BLNK: variants seen among roughly 807,000 people sequenced by gnomAD.
The protein encoded by BLNK is B cell linker.
Under a neutral mutation model 73.5 loss-of-function variants are expected in BLNK, and 29 were observed. The ratio of observed to expected loss-of-function variants is 0.39; its 90% CI spans 0.29 to 0.54. The LOEUF is 0.54. Ranked by LOEUF, BLNK falls within the 20% of genes least tolerant of loss-of-function variation. The probability of loss-of-function intolerance (pLI) is 0.61; values close to 1 mark genes in which losing one functional copy is unlikely to be tolerated. For synonymous variants in BLNK, 176 were observed against 200.8 expected, an observed-to-expected ratio of 0.88 and a Z score of 1.04; for missense variants, 460 against 562.8, an observed-to-expected ratio of 0.82 and a Z score of 1.85.
At chr10:96,210,870 T>C (rs78769352) in intron 8 of BLNK, among the ~76,000 whole-genome samples, 1 of 145,678 alleles carries the variant, frequency 6.9e-6, no homozygotes, top group Non-Finnish European at 1.5e-5. Context: ...TCCGTTTTTT[T>C]TTTTTTTTTT....
chr10:96,249,289 A>G (rs1382247854), intron 1 of BLNK, among the ~76,000 whole-genome samples: 1 of 152,248 alleles, frequency 6.6e-6, no homozygotes, highest in African/African-American at 2.4e-5. Flanking sequence ...TCTGGGAGAA[A>G]TACTCCTTGG....
rs2083293776 is a variant in BLNK, at chr10:96,189,292, G to A, written c.*2681C>T. ...CTCACTCTGCATTATAGAAAGGACAGCCAGATATTGACTGTTAGAGAAATG... is the reference window on the plus strand; with the variant it reads ...CTCACTCTGCATTATAGAAAGGACAACCAGATATTGACTGTTAGAGAAATG... On this transcript the variant is annotated 3_prime_UTR_variant, in exon 17 of 17. Coordinates refer to ENST00000224337, the MANE Select transcript of BLNK (RefSeq NM_013314.4). 2 of 448,546 alleles carry A rather than the reference G, an allele frequency of 4.5e-6. No individual in the cohort carries two copies. Among genetic ancestry groups the A allele is most frequent in the Middle Eastern group, 7.2e-4 (1 of 1,396 alleles). The allele number at this position is 448,546 out of a possible 1,614,324, so 27.8% of individuals were successfully genotyped here.
rs34920263 is a variant in BLNK, at chr10:96,191,235, C to CT, written c.*737dup. Reference sequence around the variant, plus strand: ...GTGGAACTGTGAGTCCATTAAACCTCTTTTTTTTTTTTTTTTTTTATGTAA... The same window carrying CT: ...GTGGAACTGTGAGTCCATTAAACCTCTTTTTTTTTTTTTTTTTTTTATGTAA... On this transcript the variant is annotated 3_prime_UTR_variant, in exon 17 of 17. Transcript: ENST00000224337. 0.014 allele frequency among the ~76,000 whole-genome samples: 1,882 copies of CT among 130,248 alleles called. 33 individuals carry two copies. The highest frequency in any genetic ancestry group is 0.051 in the East Asian group (230 of 4,516). 85.4% of individuals were successfully genotyped at this position (130,248 alleles called of 152,430 possible).
intron 6 of BLNK, among the ~76,000 whole-genome samples, chr10:96,219,238 A>G (rs2084138948): frequency 6.6e-6 from 1 of 152,186 alleles, no homozygotes; most frequent in Non-Finnish European, 1.5e-5. Flanking sequence ...GCCTAACCCA[A>G]TAGCCAAGGC....
intron 8 of BLNK, chr10:96,210,361 C>G (rs1289942614): frequency 4.8e-6 from 1 of 206,718 alleles, no homozygotes; most frequent in African/African-American, 2.3e-5. Flanking sequence ...ACACAGACCT[C>G]AGACAGTGCT....
intron 2 of BLNK, among the ~76,000 whole-genome samples, chr10:96,246,679 C>A (rs1284525180): frequency 2.0e-5 from 3 of 152,226 alleles, no homozygotes; most frequent in Admixed American, 1.3e-4. Context: ...GTTTTCATAG[C>A]CCTTAGCTAA....
chr10:96,222,561 T>C (rs905156019), intron 6 of BLNK, among the ~76,000 whole-genome samples: 9 of 152,082 alleles, frequency 5.9e-5, no homozygotes, highest in East Asian at 5.8e-4. Flanking sequence ...ACAGGGAAGA[T>C]TGAGGAGGTA....
Position 96,191,838 on chromosome 10 carries a change from C to T in BLNK, c.*135G>A. 2 of 1,226,818 alleles carry T rather than the reference C, an allele frequency of 1.6e-6. No individual in the cohort carries two copies. Among genetic ancestry groups the T allele is most frequent in the South Asian group, 2.6e-5 (2 of 77,344 alleles). 76.0% of individuals were successfully genotyped at this position (1,226,818 alleles called of 1,614,324 possible). A position where few individuals can be genotyped will look rare whatever the true frequency, so the allele number is the denominator to read the frequency against. On this transcript the variant is annotated 3_prime_UTR_variant, in exon 17 of 17. Coordinates refer to ENST00000224337, the MANE Select transcript of BLNK (RefSeq NM_013314.4). ...CTTAAAAAGAAATGGATGACCACTT[C>T]AATAGCTGACTCCATCTTCCATTTT...
intron 1 of BLNK, among the ~76,000 whole-genome samples, chr10:96,254,473 G>A (rs1231183026): frequency 1.3e-5 from 2 of 152,048 alleles, no homozygotes; most frequent in Non-Finnish European, 2.9e-5. Flanking sequence ...GGAGCTGACT[G>A]TGTACAGCTC....
intron 7 of BLNK, among the ~76,000 whole-genome samples, chr10:96,215,615 A>G (rs921439866): frequency 1.3e-5 from 2 of 152,198 alleles, no homozygotes. Context: ...ATAATTTGAT[A>G]TATTATTATT....
chr10:96,237,087 C>A (rs1345996805), intron 3 of BLNK, among the ~76,000 whole-genome samples: 3 of 152,166 alleles, frequency 2.0e-5, no homozygotes, highest in African/African-American at 4.8e-5. Context: ...AAGTGTCATT[C>A]CTCTATTCTT....
chr10:96,221,791 G>T (rs782439246), intron 6 of BLNK, among the ~76,000 whole-genome samples: 4 of 152,160 alleles, frequency 2.6e-5, no homozygotes, highest in African/African-American at 4.8e-5. Flanking sequence ...GCTTCTCTTT[G>T]CCACCCTATT....
rs1163745015 is a variant in BLNK at position 96,200,408 on chromosome 10, A to C, written c.1012-250T>G. 1.3e-5 allele frequency among the ~76,000 whole-genome samples: 2 copies of C among 152,168 alleles called. No homozygotes were observed. The highest frequency in any genetic ancestry group is 2.4e-5 in the African/African-American group (1 of 41,446). ...TTTCTTTCTTTCTCCTAAATAAGTAATAATCCCCCTTTCCATTGTGCTCTT... is the reference window on the plus strand; with the variant it reads ...TTTCTTTCTTTCTCCTAAATAAGTACTAATCCCCCTTTCCATTGTGCTCTT... On this transcript the variant is annotated intron_variant, in intron 14 of 16. Transcript: ENST00000224337. This position sits in a 1 kb window ranked among gnomAD's most constrained non-coding sequence, Gnocchi z 4.3.
chr10:96,194,846 C>T (rs2083422314), intron 16 of BLNK, among the ~76,000 whole-genome samples: 1 of 143,606 alleles, frequency 7.0e-6, no homozygotes, highest in Non-Finnish European at 1.5e-5. Flanking sequence ...TCTCGACTCA[C>T]TGCAAGCTCC....
chr10:96,263,940 G>A (rs1554913576), intron 1 of BLNK, among the ~76,000 whole-genome samples: 1 of 152,200 alleles, frequency 6.6e-6, no homozygotes, highest in East Asian at 1.9e-4. Context: ...ACGGCAGCCA[G>A]CATCACACTT....
Position 96,213,969 on chromosome 10 carries a change from A to T in BLNK, c.676+1352T>A, listed in dbSNP as rs587667829. Among the ~76,000 whole-genome samples the T allele has an allele frequency of 3.9e-5, 6 of 152,352 alleles. No individual in the cohort carries two copies. The East Asian group carries it at 1.2e-3, about 29-fold the overall frequency. On this transcript the variant is annotated intron_variant, in intron 8 of 16. Coordinates refer to ENST00000224337, the MANE Select transcript of BLNK (RefSeq NM_013314.4). ...CTGAGGAGAGGTTAAGTAAAACCAGAACTTGTGAAGAAAGTGAATAATTTC... is the reference window on the plus strand; with the variant it reads ...CTGAGGAGAGGTTAAGTAAAACCAGTACTTGTGAAGAAAGTGAATAATTTC...
At chr10:96,252,973 G>A (rs1843352216) in intron 1 of BLNK, among the ~76,000 whole-genome samples, 2 of 152,166 alleles carry the variant, frequency 1.3e-5, no homozygotes, top group African/African-American at 4.8e-5. Flanking sequence ...AAGAAAATGA[G>A]GATGTGGCAG....
chr10:96,207,162 A>G, intron 10 of BLNK, 109 bp from the exon 11 acceptor site: 1 of 975,608 alleles, frequency 1.0e-6, no homozygotes, highest in African/African-American at 1.6e-5. Flanking sequence ...TCTTTGATGC[A>G]TTGCTATTCT....
Position 96,200,057 on chromosome 10 carries a change from T to A in BLNK, c.1095+18A>T. 1 of 1,447,896 alleles carries A rather than the reference T, an allele frequency of 6.9e-7. No individual in the cohort carries two copies. Among genetic ancestry groups the A allele is most frequent in the Middle Eastern group, 1.9e-4 (1 of 5,398 alleles). The allele number at this position is 1,447,896 out of a possible 1,614,324, so 89.7% of individuals were successfully genotyped here. On this transcript the variant is annotated intron_variant, in intron 15 of 16. Transcript: ENST00000224337. The surrounding 1 kb of genome is among the most constrained non-coding windows in gnomAD (Gnocchi z 4.3). ...AATAAAATAAAATAAAAATAATAAA[T>A]AATAAAAATGATCAGACCTTGTTTG...
Sources: gnomAD v4.1 joint callset for allele counts (sites outside exome capture counted in the v4.1 genomes callset) on GRCh38, gnomAD v4.1.1 for gene constraint, Gnocchi (gnomAD v3.1) non-coding constraint, MANE v1.5 for transcripts, NCBI Gene and HGNC (gene_info 2026-07-23, HGNC 2026-07-21) for gene names.